Variants in PUDP observed in about 807,000 individuals in gnomAD.
PUDP encodes the protein pseudouridine 5'-phosphatase.
A neutral mutation model predicts 9.4 loss-of-function variants in PUDP; 8 were observed. The observed-to-expected ratio is 0.85, with a 90% CI of 0.50 to 1.53. The LOEUF (loss-of-function observed/expected upper bound fraction) is 1.53. Ranked by LOEUF, PUDP falls within the 40% of genes most tolerant of loss-of-function variation. The probability of loss-of-function intolerance (pLI) is 0.00; values close to 1 mark genes in which losing one functional copy is unlikely to be tolerated. For synonymous variants in PUDP, 99 were observed against 80.7 expected, an observed-to-expected ratio of 1.23 and a Z score of -1.22; for missense variants, 188 against 189.7, an observed-to-expected ratio of 0.99 and a Z score of 0.05.
intron 3 of PUDP, among the ~76,000 whole-genome samples, chrX:6,733,770 CTTTTTTTTTTTT>C (rs3046297): frequency 8.6e-5 from 4 of 46,264 alleles, no homozygotes; most frequent in African/African-American, 1.1e-4. Context: ...AAAGCAAAGC[CTTTTTTTTTTTT>C]TTTTTTTTTT....
intron 3 of PUDP, among the ~76,000 whole-genome samples, chrX:6,814,357 CA>C (rs1188625854): frequency 9.0e-6 from 1 of 111,148 alleles, no homozygotes; most frequent in Non-Finnish European, 1.9e-5. Flanking sequence ...CTCAGTTTTT[CA>C]GAAGATTCTT....
At chrX:7,127,069 G>T (rs919399121) in intron 1 of PUDP, among the ~76,000 whole-genome samples, 12 of 111,772 alleles carry the variant, frequency 1.1e-4, no homozygotes, top group African/African-American at 3.9e-4. Context: ...GTGTACCTCT[G>T]GTACCCAAAG....
chrX:6,996,153 C>T (rs1929247372), intron 1 of PUDP, among the ~76,000 whole-genome samples: 1 of 111,975 alleles, frequency 8.9e-6, no homozygotes, highest in African/African-American at 3.2e-5. Flanking sequence ...CCAAAGGCAT[C>T]TAACTACCTC....
chrX:6,789,752 G>C lies in PUDP; in HGVS notation c.*248-83286C>G, dbSNP rs201061553. 1.8e-4 allele frequency among the ~76,000 whole-genome samples: 19 copies of C among 103,499 alleles called. No individual in the cohort carries two copies. The East Asian group carries it at 4.6e-3, about 25-fold the overall frequency. The allele number at this position is 103,499 out of a possible 115,157, so 89.9% of individuals were successfully genotyped here. A position where few individuals can be genotyped will look rare whatever the true frequency, so the allele number is the denominator to read the frequency against. Reference sequence around the variant, plus strand: ...AAGTTTTGTTTATTTAAGATACCTAGGTAGGCAGATAGATAGGTAGGTAGA... The same window carrying C: ...AAGTTTTGTTTATTTAAGATACCTACGTAGGCAGATAGATAGGTAGGTAGA... On this transcript the variant is annotated intron_variant and NMD_transcript_variant, in intron 3 of 3. Coordinates refer to the PUDP transcript ENST00000655425.
At chrX:6,747,293 C>A (rs1192172800) in intron 3 of PUDP, among the ~76,000 whole-genome samples, 1 of 111,844 alleles carries the variant, frequency 8.9e-6, no homozygotes, top group Non-Finnish European at 1.9e-5. Flanking sequence ...CTGGGAAGCA[C>A]ACGAGCCATG....
intron 3 of PUDP, among the ~76,000 whole-genome samples, chrX:6,893,962 G>A (rs1265588502): frequency 5.4e-5 from 6 of 111,799 alleles, no homozygotes; most frequent in African/African-American, 2.0e-4. Flanking sequence ...CATGAATGAA[G>A]TTGGGAGCCA....
At chrX:6,843,367 T>G (rs1926700303) in intron 3 of PUDP, among the ~76,000 whole-genome samples, 1 of 111,693 alleles carries the variant, frequency 9.0e-6, no homozygotes, top group Non-Finnish European at 1.9e-5. Flanking sequence ...AAACTCAGTC[T>G]GAGAACTGTC....
intron 1 of PUDP, among the ~76,000 whole-genome samples, chrX:7,114,468 AG>A (rs1932141781): frequency 8.9e-6 from 1 of 111,806 alleles, no homozygotes; most frequent in South Asian, 3.7e-4. Context: ...CATGAACGAA[AG>A]GGTCCATTCA....
intron 1 of PUDP, among the ~76,000 whole-genome samples, chrX:7,112,702 G>T (rs1443407688): frequency 9.0e-6 from 1 of 111,552 alleles, no homozygotes; most frequent in Non-Finnish European, 1.9e-5. Context: ...TTGAGACAAG[G>T]TCTCACCTGA....
In PUDP at chrX:7,105,799, C is replaced by CA; in HGVS notation, c.100dup (p.Cys34LeufsTer2). 1 of 1,207,503 alleles carries CA rather than the reference C, an allele frequency of 8.3e-7. No individual in the cohort carries two copies. The highest frequency in any genetic ancestry group is 1.1e-6 in the Non-Finnish European group (1 of 892,514). ...GCTGTATTTCTTGTCATAGCGATTA[C>CA]ATATTTCTTGAAACACCACTGAATA... On this transcript the variant is annotated frameshift_variant, in exon 2 of 4. Transcript: ENST00000381077. LOFTEE classifies it high-confidence loss of function.
chrX:7,067,786 T>A (rs762406258), intron 3 of PUDP, among the ~76,000 whole-genome samples: 1 of 111,099 alleles, frequency 9.0e-6, no homozygotes, highest in Non-Finnish European at 1.9e-5. Context: ...TCATCTTGAA[T>A]TGTAGCTCCC....
intron 3 of PUDP, among the ~76,000 whole-genome samples, chrX:6,868,468 T>C (rs1927123071): frequency 8.9e-6 from 1 of 112,300 alleles, no homozygotes; most frequent in Admixed American, 9.4e-5. Context: ...CTGGTTCTCC[T>C]ATAATCTCAT....
intron 2 of PUDP, 110 bp downstream of exon 2, chrX:7,105,510 G>T: frequency 1.9e-6 from 1 of 537,083 alleles, no homozygotes; most frequent in Non-Finnish European, 3.0e-6. Flanking sequence ...TTTAGATACT[G>T]AAGAAAAGAG....
At chrX:6,886,074 C>A (rs756526862) in intron 3 of PUDP, among the ~76,000 whole-genome samples, 2 of 112,196 alleles carry the variant, frequency 1.8e-5, no homozygotes, top group East Asian at 5.6e-4. Flanking sequence ...GGTTCCCTGG[C>A]CATCTGCATC....
chrX:7,144,211 A>G (rs754847874), intron 1 of PUDP, among the ~76,000 whole-genome samples: 9 of 112,119 alleles, frequency 8.0e-5, no homozygotes, highest in Admixed American at 4.7e-4. Context: ...ACTTGATAAC[A>G]TCAAGTAGTA....
chrX:6,762,762 C>G (rs1451984737), intron 3 of PUDP, among the ~76,000 whole-genome samples: 1 of 112,227 alleles, frequency 8.9e-6, no homozygotes, highest in African/African-American at 3.2e-5. Context: ...ATTTAGCAAA[C>G]ACAGAAAAGC....
chrX:6,956,065 T>C lies in PUDP; in HGVS notation c.*247+21068A>G, dbSNP rs1928622677. ...GCTACTATTTCTTGTTTGTTTGTTT[T>C]TGGAGATGAAATCTCGCTCTGTCGC... On this transcript the variant is annotated intron_variant and NMD_transcript_variant, in intron 3 of 3. Transcript: ENST00000655425. 3.6e-5 allele frequency among the ~76,000 whole-genome samples: 4 copies of C among 112,403 alleles called. No homozygotes were observed. The Admixed American group carries it at 3.8e-4, about 11-fold the overall frequency.
chrX:6,861,209 T>C (rs1926996310), intron 3 of PUDP, among the ~76,000 whole-genome samples: 1 of 112,015 alleles, frequency 8.9e-6, no homozygotes, highest in South Asian at 3.8e-4. Context: ...GAGCCAGTCT[T>C]TTGATCTGCC....
chrX:7,085,441 G>C (rs1201972403), intron 2 of PUDP: 1 of 112,091 alleles, frequency 8.9e-6, no homozygotes, highest in African/African-American at 3.2e-5. Context: ...GCCACATGCA[G>C]GAAGCTGTTG....
Sources: allele counts gnomAD v4.1 joint callset (sites outside exome capture counted in the v4.1 genomes callset), GRCh38; gene constraint gnomAD v4.1.1; transcripts MANE v1.5; gene names NCBI Gene and HGNC (gene_info 2026-07-23, HGNC 2026-07-21).